Variants in VAV3 observed in about 807,000 individuals in gnomAD.
The protein encoded by VAV3 is vav guanine nucleotide exchange factor 3.
Under a neutral mutation model 131.2 loss-of-function variants are expected in VAV3, and 94 were observed. That is an observed-to-expected ratio of 0.72 (90% CI 0.61 to 0.85). The LOEUF is 0.85. Among genes scored for constraint, VAV3 ranks in the 40% least tolerant of loss-of-function variants. VAV3 has a pLI of 0.00. For synonymous variants in VAV3, 349 were observed against 342.0 expected (o/e 1.02, Z -0.22); for missense variants, 939 against 1,002.7 (o/e 0.94, Z 0.86).
At chr1:107,652,637 A>G (rs1202942263) in intron 19 of VAV3, among the ~76,000 whole-genome samples, 1 of 152,056 alleles carries the variant, frequency 6.6e-6, no homozygotes. Flanking sequence ...ATATATATTT[A>G]TATTGCCTAA....
chr1:107,943,331 T>C (rs1674089339), intron 1 of VAV3, among the ~76,000 whole-genome samples: 1 of 152,222 alleles, frequency 6.6e-6, no homozygotes, highest in South Asian at 2.1e-4. Context: ...TTAAGATTTG[T>C]AGATAAACTA....
intron 21 of VAV3, among the ~76,000 whole-genome samples, chr1:107,612,023 T>A (rs1413946254): frequency 1.3e-5 from 2 of 152,110 alleles, no homozygotes; most frequent in Non-Finnish European, 1.5e-5. Context: ...TTTTCTCTAA[T>A]GCCATTTTCT....
At chr1:107,955,657 T>G (rs1306895416) in intron 1 of VAV3, among the ~76,000 whole-genome samples, 1 of 151,658 alleles carries the variant, frequency 6.6e-6, no homozygotes, top group East Asian at 2.0e-4. Context: ...AGTAGACAAA[T>G]GAAAAAGGGA....
intron 24 of VAV3, among the ~76,000 whole-genome samples, chr1:107,600,223 A>G (rs1177081416): frequency 6.6e-6 from 1 of 152,238 alleles, no homozygotes; most frequent in Non-Finnish European, 1.5e-5. Flanking sequence ...TGCTCAACAA[A>G]TGAACAGAAA....
intron 2 of VAV3, chr1:107,785,363 C>T: frequency 2.6e-6 from 3 of 1,150,836 alleles, no homozygotes; most frequent in Non-Finnish European, 3.4e-6. Context: ...ATTCTGAAAT[C>T]TCACCACTTA....
chr1:107,914,604 G>C (rs1672524407), intron 1 of VAV3, among the ~76,000 whole-genome samples: 1 of 152,198 alleles, frequency 6.6e-6, no homozygotes, highest in South Asian at 2.1e-4. Flanking sequence ...TCTTATAAAA[G>C]ACTGTGCCTC....
At position 107,643,498 on chromosome 1, in the gene VAV3, T is replaced by C. The variant is rs72975624; in HGVS notation, c.1778-743A>G. ...CTAGGTGCAGCAATACTGGTCACAA[T>C]GGACAACCTCACAGTCACTTATTCA... is the stretch of plus-strand genomic sequence containing the variant. On this transcript the variant is annotated intron_variant, in intron 19 of 26. Transcript: ENST00000370056. Among the ~76,000 whole-genome samples the C allele has an allele frequency of 3.3e-3, 506 of 152,308 alleles. 5 individuals carry two copies. Among genetic ancestry groups the C allele is most frequent in the African/African-American group, 0.011 (478 of 41,586 alleles).
At position 107,693,350 on chromosome 1, in the gene VAV3, T is replaced by C. The variant is rs80174334; in HGVS notation, c.1706-4944A>G. Among the ~76,000 whole-genome samples the C allele has an allele frequency of 9.7e-3, 1,476 of 152,322 alleles. 20 individuals are homozygous for C. Among genetic ancestry groups the C allele is most frequent in the African/African-American group, 0.034 (1,412 of 41,580 alleles). Reference sequence around the variant, plus strand: ...ATTTGTTTCCAAGTTGCATAGTTTGTCTTATTAACAAAATAAACTTAACAC... The same window carrying C: ...ATTTGTTTCCAAGTTGCATAGTTTGCCTTATTAACAAAATAAACTTAACAC... On this transcript the variant is annotated intron_variant, in intron 17 of 26. Transcript: ENST00000370056.
At chr1:107,896,505 A>AT (rs1364353748) in intron 1 of VAV3, among the ~76,000 whole-genome samples, 6 of 152,212 alleles carry the variant, frequency 3.9e-5, no homozygotes, top group Non-Finnish European at 8.8e-5. Flanking sequence ...AAACTTATAT[A>AT]AAGACTTTAA....
At chr1:107,670,913 G>A (rs941780760) in intron 19 of VAV3, among the ~76,000 whole-genome samples, 1 of 152,272 alleles carries the variant, frequency 6.6e-6, no homozygotes, top group Non-Finnish European at 1.5e-5. Context: ...AGAAGGTGTT[G>A]CCATTTCGTT....
At chr1:107,649,811 G>T (rs1196360356) in intron 19 of VAV3, among the ~76,000 whole-genome samples, 2 of 151,936 alleles carry the variant, frequency 1.3e-5, no homozygotes, top group Admixed American at 6.6e-5. Flanking sequence ...ATTGATATTG[G>T]CTTTGCACTG....
intron 25 of VAV3, among the ~76,000 whole-genome samples, chr1:107,588,390 G>T (rs1650670526): frequency 6.6e-6 from 1 of 152,218 alleles, no homozygotes; most frequent in Non-Finnish European, 1.5e-5. Context: ...CAGGGAAAAG[G>T]AGAAGGACTT....
intron 9 of VAV3, among the ~76,000 whole-genome samples, chr1:107,764,820 G>T (rs1664647366): frequency 6.6e-6 from 1 of 152,118 alleles, no homozygotes; most frequent in Non-Finnish European, 1.5e-5. Context: ...AAAATTAATT[G>T]TACCTATTTC....
At chr1:107,735,338 G>A (rs1662541920) in intron 15 of VAV3, among the ~76,000 whole-genome samples, 1 of 151,980 alleles carries the variant, frequency 6.6e-6, no homozygotes, top group South Asian at 2.1e-4. Context: ...GCTAGCAAAA[G>A]GTAAGAAATA....
chr1:107,583,731 A>G (rs1190528946), intron 25 of VAV3, among the ~76,000 whole-genome samples: 1 of 151,956 alleles, frequency 6.6e-6, no homozygotes, highest in Admixed American at 6.5e-5. Context: ...GAGAACTACA[A>G]ACCACTGCTC....
intron 17 of VAV3, among the ~76,000 whole-genome samples, chr1:107,700,250 A>C (rs1441835008): frequency 6.6e-6 from 1 of 151,788 alleles, no homozygotes; most frequent in Admixed American, 6.6e-5. Context: ...TATGGCCTGA[A>C]GACAAGTGGC....
chr1:107,791,385 A>C (rs1570959795), intron 2 of VAV3, among the ~76,000 whole-genome samples: 1 of 1,166 alleles, frequency 8.6e-4, no homozygotes, highest in Non-Finnish European at 0.01. Context: ...TGGTGATATC[A>C]AAAAAAAAAA....
At chr1:107,657,532 T>G (rs1403316420) in intron 19 of VAV3, among the ~76,000 whole-genome samples, 1 of 152,210 alleles carries the variant, frequency 6.6e-6, no homozygotes, top group Non-Finnish European at 1.5e-5. Context: ...TAATCCTTTT[T>G]GACGTTTTGT....
intron 2 of VAV3, chr1:107,862,858 T>C (rs780362720): frequency 6.9e-6 from 1 of 144,188 alleles, no homozygotes; most frequent in Non-Finnish European, 1.6e-5. Flanking sequence ...AAGAAAATAT[T>C]TTCCATTTTT....
Sources: gnomAD v4.1 joint callset for allele counts (sites outside exome capture counted in the v4.1 genomes callset) on GRCh38, gnomAD v4.1.1 for gene constraint, MANE v1.5 for transcripts, NCBI Gene and HGNC (gene_info 2026-07-23, HGNC 2026-07-21) for gene names.